Variants in PRKCQ observed in about 807,000 individuals in gnomAD.
PRKCQ encodes the protein protein kinase C theta type.
In PRKCQ, 41 loss-of-function variants were observed where a neutral mutation model predicts 91.2. The ratio of observed to expected loss-of-function variants is 0.45; its 90% CI spans 0.35 to 0.58. PRKCQ has a LOEUF of 0.58. Among genes scored for constraint, PRKCQ ranks in the 20% least tolerant of loss-of-function variants. The probability of loss-of-function intolerance (pLI) is 0.00; values close to 1 mark genes in which losing one functional copy is unlikely to be tolerated. For missense variants in PRKCQ, 673 were observed against 896.5 expected, an observed-to-expected ratio of 0.75 and a Z score of 3.18; for synonymous variants, 307 against 316.9, an observed-to-expected ratio of 0.97 and a Z score of 0.33.
chr10:6,441,003 T>C (rs1833944126), intron 16 of PRKCQ, among the ~76,000 whole-genome samples: 1 of 152,102 alleles, frequency 6.6e-6, no homozygotes, highest in South Asian at 2.1e-4. Context: ...AAAAAAGTTA[T>C]GTGATGAATA....
At chr10:6,400,718 G>GAA in the PRKCQ span, among the ~76,000 whole-genome samples, 18 of 136,424 alleles carry the variant, frequency 1.3e-4, no homozygotes, top group Admixed American at 4.4e-4. Context: ...TTAAGAAACT[G>GAA]AAAAAAAAAA....
At chr10:6,489,297 T>G in intron 8 of PRKCQ, 1 of 470,850 alleles carries the variant, frequency 2.1e-6, no homozygotes, top group Non-Finnish European at 4.4e-6. Context: ...ACTTTGCTCC[T>G]TAAAACTGTA....
chr10:6,511,945 G>A (rs1409128328), intron 2 of PRKCQ, among the ~76,000 whole-genome samples: 2 of 152,118 alleles, frequency 1.3e-5, no homozygotes, highest in African/African-American at 2.4e-5. Flanking sequence ...GCTTCACTCT[G>A]GGTTTAAACA....
chr10:6,534,658 G>A (rs1290163288), intron 1 of PRKCQ, among the ~76,000 whole-genome samples: 1 of 151,362 alleles, frequency 6.6e-6, no homozygotes. Context: ...ATAAGATATT[G>A]TTTAAATATA....
At chr10:6,420,794 T>A in the PRKCQ span, among the ~76,000 whole-genome samples, 2,865 of 152,334 alleles carry the variant, frequency 0.019, 44 homozygotes, top group African/African-American at 0.031. Context: ...TTGCTTTTTA[T>A]GGGAGGCTTT....
At chr10:6,525,468 A>G (rs902724744) in intron 1 of PRKCQ, among the ~76,000 whole-genome samples, 1 of 152,042 alleles carries the variant, frequency 6.6e-6, no homozygotes, top group African/African-American at 2.4e-5. Context: ...AAAAACCACA[A>G]TTACTTTTGC....
At position 6,456,759 on chromosome 10, in the gene PRKCQ, G is replaced by A. The variant is rs748878631; in HGVS notation, c.1562C>T (p.Ala521Val). ...LLDKDGHIKI[A>V]DFGMCKENML... ...GTTCTCCTTGCACATTCCAAAATCCGCGATCTTGATATGTCCATCTTTGTC... is the reference window on the plus strand; with the variant it reads ...GTTCTCCTTGCACATTCCAAAATCCACGATCTTGATATGTCCATCTTTGTC... Residue 521 changes from alanine (A) to valine (V), a missense_variant, in exon 15 of 18, where the codon GCG becomes GTG. Physicochemically the swap from Ala to Val is moderately conservative, Grantham distance 64 (BLOSUM62 0). Coordinates refer to ENST00000263125, the MANE Select transcript of PRKCQ (RefSeq NM_006257.5). 2.7e-5 allele frequency: 43 copies of A among 1,614,032 alleles called. No individual in the cohort carries two copies. Among genetic ancestry groups the A allele is most frequent in the Middle Eastern group, 1.6e-4 (1 of 6,062 alleles).
intron 12 of PRKCQ, among the ~76,000 whole-genome samples, chr10:6,467,704 G>A (rs1409873158): frequency 6.6e-6 from 1 of 152,194 alleles, no homozygotes; most frequent in African/African-American, 2.4e-5. Flanking sequence ...CTAATCAGCT[G>A]TGTGATCAGG....
At chr10:6,522,523 TGAACCTGATGGG>T (rs1312822492) in intron 1 of PRKCQ, among the ~76,000 whole-genome samples, 2 of 152,198 alleles carry the variant, frequency 1.3e-5, no homozygotes, top group Non-Finnish European at 2.9e-5. Flanking sequence ...TCCACATAAC[TGAACCTGATGGG>T]GACAAATTCC....
intron 13 of PRKCQ, among the ~76,000 whole-genome samples, chr10:6,463,155 C>T (rs760532230): frequency 6.6e-6 from 1 of 152,170 alleles, no homozygotes; most frequent in African/African-American, 2.4e-5. Flanking sequence ...GCCTGGGCAA[C>T]ACTTACAGCC....
chr10:6,467,220 A>G (rs892445682), intron 12 of PRKCQ, among the ~76,000 whole-genome samples: 1 of 152,086 alleles, frequency 6.6e-6, no homozygotes, highest in Non-Finnish European at 1.5e-5. Flanking sequence ...GAAAGAAAGA[A>G]GAAAACAGAA....
intron 1 of PRKCQ, among the ~76,000 whole-genome samples, chr10:6,537,568 A>G (rs185363550): frequency 9.2e-5 from 14 of 152,318 alleles, no homozygotes; most frequent in Non-Finnish European, 1.6e-4. Flanking sequence ...TTCTGAAAGC[A>G]TTCACAGGTC....
chr10:6,397,114 T>C, the PRKCQ span, among the ~76,000 whole-genome samples: 163 of 152,358 alleles, frequency 1.1e-3, 1 homozygote, highest in African/African-American at 3.7e-3. Context: ...TTGCCTGTTT[T>C]TTTTTTGAGT....
chr10:6,473,845 T>C (rs935876070), intron 12 of PRKCQ, among the ~76,000 whole-genome samples: 1 of 152,216 alleles, frequency 6.6e-6, no homozygotes, highest in African/African-American at 2.4e-5. Context: ...TTAAAAAGTA[T>C]CAAGTTCAAG....
intron 14 of PRKCQ, among the ~76,000 whole-genome samples, chr10:6,461,833 T>G (rs945262158): frequency 2.6e-5 from 4 of 152,126 alleles, no homozygotes; most frequent in African/African-American, 9.7e-5. Flanking sequence ...AGAAAAGAAG[T>G]GAGGAGATTG....
chr10:6,489,402 A>G (rs748111838), intron 8 of PRKCQ: 2 of 530,508 alleles, frequency 3.8e-6, no homozygotes, highest in Non-Finnish European at 3.9e-6. Context: ...CTAACCTATC[A>G]GGCCGTAACT....
rs1187962738 is a variant in PRKCQ at position 6,464,203 on chromosome 10, G to T, written c.1445+110C>A. 8 of 904,232 alleles carry T rather than the reference G, an allele frequency of 8.8e-6. No homozygotes were observed. In the East Asian group the frequency reaches 1.9e-4, roughly 22 times the overall value. 56.0% of individuals were successfully genotyped at this position (904,232 alleles called of 1,614,324 possible). The stretch of plus-strand genomic sequence containing the variant: ...CGCCTTGCTCGATGTATTCCCAAGG[G>T]TTCACCTGGCCCTGGGATTCAGGCA... On this transcript the variant is annotated intron_variant, in intron 13 of 17. Transcript: ENST00000263125.
intron 12 of PRKCQ, among the ~76,000 whole-genome samples, chr10:6,474,253 T>C (rs1836148175): frequency 6.6e-6 from 1 of 152,236 alleles, no homozygotes; most frequent in African/African-American, 2.4e-5. Context: ...GGCATCACCC[T>C]GGGAGGCCTC....
intron 1 of PRKCQ, among the ~76,000 whole-genome samples, chr10:6,532,018 C>T (rs962799198): frequency 1.3e-5 from 2 of 152,120 alleles, no homozygotes; most frequent in Non-Finnish European, 2.9e-5. Context: ...TTTGACTCTT[C>T]CAGGCATCAC....
Sources: allele counts gnomAD v4.1 joint callset (sites outside exome capture counted in the v4.1 genomes callset), GRCh38; gene constraint gnomAD v4.1.1; transcripts MANE v1.5; gene names NCBI Gene and HGNC (gene_info 2026-07-23, HGNC 2026-07-21).